The following LHX9 variants were observed in gnomAD, a reference collection of about 807,000 sequenced individuals.
LHX9 encodes LIM/homeobox protein Lhx9.
A neutral mutation model predicts 36.5 loss-of-function variants in LHX9; 9 were observed. The observed-to-expected ratio is 0.25, with a 90% CI of 0.15 to 0.43. The LOEUF (loss-of-function observed/expected upper bound fraction) is 0.43. LHX9 is among the 20% of genes least tolerant of loss of function. The probability of loss-of-function intolerance (pLI) is 1.00; values close to 1 mark genes in which losing one functional copy is unlikely to be tolerated. For synonymous variants in LHX9, 211 were observed against 212.1 expected, an observed-to-expected ratio of 0.99 and a Z score of 0.04; for missense variants, 464 against 526.4, an observed-to-expected ratio of 0.88 and a Z score of 1.16.
At position 197,932,102 on chromosome 1, in the gene LHX9, T is replaced by C; in HGVS notation, c.*2843T>C. ...AAAAAAAAAGAGAGAGAGAGAGACT[T>C]AAATGTCATTTACTGAATGTTAACG... On this transcript the variant is annotated 3_prime_UTR_variant, in exon 5 of 5. Transcript: ENST00000367387. 3.3e-6 allele frequency: 2 copies of C among 609,788 alleles called. No individual in the cohort carries two copies. The highest frequency in any genetic ancestry group is 5.8e-6 in the Non-Finnish European group (2 of 347,812). 37.8% of individuals were successfully genotyped at this position (609,788 alleles called of 1,614,324 possible). A position where few individuals can be genotyped will look rare whatever the true frequency, so the allele number is the denominator to read the frequency against.
Position 197,929,155 on chromosome 1 carries a change from G to A in LHX9, c.1090G>A (p.Asp364Asn). Residue 364 changes from aspartate (D) to asparagine (N), a missense_variant, in exon 5 of 5, where the codon GAC (aspartate) becomes AAC (asparagine). Asp to Asn is a conservative substitution (Grantham distance 23). Around this residue, in one of 5 missense-constraint regions of LHX9, gnomAD observed 102 missense variants for 97.0 expected, o/e 1.05. Transcript: ENST00000367387. The part of the protein sequence containing the change: ...TPPGTATTLT[D>N]LTNPTITVVT... ...ACCCGGCACTGCGACCACTTTAACA[G>A]ACCTGACCAATCCCACTATCACTGT... 1 of 1,612,970 alleles carries A rather than the reference G, an allele frequency of 6.2e-7. No individual in the cohort carries two copies. Among genetic ancestry groups the A allele is most frequent in the Non-Finnish European group, 8.5e-7 (1 of 1,179,712 alleles).
At position 197,918,927 on chromosome 1, in the gene LHX9, G is replaced by A. The variant is rs116398417; in HGVS notation, c.174+930G>A. On this transcript the variant is annotated intron_variant, in intron 1 of 4. Transcript: ENST00000367387. ...AGACTGCTCTAGCCCTTATCAGCTG[G>A]GTTTTGGGTCCGGCCAAGTAGCCCA... 5.8e-3 allele frequency among the ~76,000 whole-genome samples: 877 copies of A among 151,888 alleles called. 12 individuals carry two copies. The highest frequency in any genetic ancestry group is 0.019 in the African/African-American group (806 of 41,400).
At chr1:197,918,767 T>C (rs1431857328) in intron 1 of LHX9, 2 of 125,940 alleles carry the variant, frequency 1.6e-5, no homozygotes, top group Non-Finnish European at 3.2e-5. Context: ...TAATTACTTA[T>C]CTAAGCGCTT....
At chr1:197,912,759 C>A (rs1659654960), upstream of LHX9, 2 of 644,376 alleles carry the variant, frequency 3.1e-6, no homozygotes, top group East Asian at 5.3e-5. Flanking sequence ...ACTCCTGAAA[C>A]CCTCCTTTTG....
At chr1:197,918,512 C>T (rs1336510989) in intron 1 of LHX9, 17 of 629,456 alleles carry the variant, frequency 2.7e-5, no homozygotes, top group East Asian at 1.4e-4. Context: ...GGCTTGGGAC[C>T]CCTAACCGAG....
chr1:197,923,758 G>C (rs2102598345), intron 3 of LHX9, among the ~76,000 whole-genome samples: 1 of 152,252 alleles, frequency 6.6e-6, no homozygotes, highest in Admixed American at 6.5e-5. Flanking sequence ...AAAATAACTA[G>C]AGAGTACAAA....
Position 197,921,801 on chromosome 1 carries a change from A to T in LHX9, c.733+142A>T, listed in dbSNP as rs905440006. The stretch of plus-strand genomic sequence containing the variant: ...CTCACTGCAACTCCCTCTCACTCTG[A>T]AGGAAGGGAGAGAGGGAGGAGGAGG... On this transcript the variant is annotated intron_variant, in intron 3 of 4. Coordinates refer to ENST00000367387, the MANE Select transcript of LHX9 (RefSeq NM_020204.3). This position sits in a 1 kb window ranked among gnomAD's most constrained non-coding sequence, Gnocchi z 4.6. 30 of 714,676 alleles carry T rather than the reference A, an allele frequency of 4.2e-5. No homozygotes were observed. Among genetic ancestry groups the T allele is most frequent in the Middle Eastern group, 2.4e-4 (1 of 4,130 alleles). The allele number at this position is 714,676 out of a possible 1,614,324, so 44.3% of individuals were successfully genotyped here.
At chr1:197,916,965 C>T (rs187106183), upstream of LHX9, among the ~76,000 whole-genome samples, 1 of 152,282 alleles carries the variant, frequency 6.6e-6, no homozygotes, top group African/African-American at 2.4e-5. Context: ...TTCTCTGTGT[C>T]CTGAGCCAAG....
chr1:197,922,434 A>G (rs1020729986), intron 3 of LHX9, among the ~76,000 whole-genome samples: 1 of 152,114 alleles, frequency 6.6e-6, no homozygotes, highest in Non-Finnish European at 1.5e-5. Context: ...TCAAGAACAC[A>G]TTCTTCCTTG....
chr1:197,922,147 G>A (rs1425904005), intron 3 of LHX9, among the ~76,000 whole-genome samples: 1 of 152,180 alleles, frequency 6.6e-6, no homozygotes, highest in Non-Finnish European at 1.5e-5. Context: ...AACACAGTTG[G>A]CAAGAGTGTT....
In LHX9 at chr1:197,932,066, T is replaced by A; in HGVS notation, c.*2807T>A. 1.2e-6 allele frequency: 1 copy of A among 862,792 alleles called. No individual in the cohort carries two copies. Among genetic ancestry groups the A allele is most frequent in the Non-Finnish European group, 1.8e-6 (1 of 570,206 alleles). The allele number at this position is 862,792 out of a possible 1,614,324, so 53.4% of individuals were successfully genotyped here. On this transcript the variant is annotated 3_prime_UTR_variant, in exon 5 of 5. Transcript: ENST00000367387. ...GTTATGATAATCATACATTAAAAAA[T>A]TTATTAAGCCAAAAAAAAAGAGAGA... is the stretch of plus-strand genomic sequence containing the variant.
rs914879884 is a variant in LHX9, at chr1:197,917,378, C to T, written c.-446C>T. On this transcript the variant is annotated 5_prime_UTR_variant, in exon 1 of 5. Transcript: ENST00000367387. The stretch of plus-strand genomic sequence containing the variant: ...ACACAGCTCAGGCAGGAGCAGTCCC[C>T]AACCCAATCTACAGGCACTGGGAAC... The T allele has an allele frequency of 6.1e-6, 8 of 1,306,240 alleles. No homozygotes were observed. In the African/African-American group the frequency reaches 1.2e-4, roughly 20 times the overall value. 80.9% of individuals were successfully genotyped at this position (1,306,240 alleles called of 1,614,324 possible).
In LHX9 at chr1:197,929,721, T is replaced by C; in HGVS notation, c.*462T>C. ...CAATTGTATGTGTGATTATGGAGTT[T>C]TGAAAACGTTACATTTTTTAAATCT... On this transcript the variant is annotated 3_prime_UTR_variant, in exon 5 of 5. Transcript: ENST00000367387. The C allele has an allele frequency of 3.2e-6, 3 of 942,504 alleles. No homozygotes were observed. The highest frequency in any genetic ancestry group is 3.8e-6 in the Non-Finnish European group (3 of 790,652). 58.4% of individuals were successfully genotyped at this position (942,504 alleles called of 1,614,324 possible).
chr1:197,933,108 A>T lies in LHX9; in HGVS notation c.*3849A>T, dbSNP rs1660367933. 1 of 152,006 alleles carries T rather than the reference A, an allele frequency of 6.6e-6. No homozygotes were observed. The highest frequency in any genetic ancestry group is 2.1e-4 in the South Asian group (1 of 4,834). 9.4% of individuals were successfully genotyped at this position (152,006 alleles called of 1,614,324 possible). A position where few individuals can be genotyped will look rare whatever the true frequency, so the allele number is the denominator to read the frequency against. The stretch of plus-strand genomic sequence containing the variant: ...GTTAAAGGGAATATTTGAAGAATAA[A>T]ATTTTAGCTATTCCTATTTAGCCGT... On this transcript the variant is annotated 3_prime_UTR_variant, in exon 5 of 5. Coordinates refer to ENST00000367387, the MANE Select transcript of LHX9 (RefSeq NM_020204.3).
In LHX9 at chr1:197,932,797, A is replaced by T. The variant is rs1022620565; in HGVS notation, c.*3538A>T. ...TTTGTTGTATTCAATTGCCACATGT[A>T]TTAAAAATAAAAAACAAAGTGAACC... On this transcript the variant is annotated 3_prime_UTR_variant, in exon 5 of 5. Coordinates refer to ENST00000367387, the MANE Select transcript of LHX9 (RefSeq NM_020204.3). 3 of 152,058 alleles carry T rather than the reference A, an allele frequency of 2.0e-5. No individual in the cohort carries two copies. Among genetic ancestry groups the T allele is most frequent in the African/African-American group, 7.2e-5 (3 of 41,434 alleles). 9.4% of individuals were successfully genotyped at this position (152,058 alleles called of 1,614,324 possible). A position where few individuals can be genotyped will look rare whatever the true frequency, so the allele number is the denominator to read the frequency against.
chr1:197,914,515 G>C (rs1266356977), upstream of LHX9, among the ~76,000 whole-genome samples: 1 of 152,140 alleles, frequency 6.6e-6, no homozygotes, highest in South Asian at 2.1e-4. Flanking sequence ...AGTCCTTTGA[G>C]AATGAGGAGC....
rs1659810088 is a variant in LHX9 at position 197,917,629 on chromosome 1, C to T, written c.-195C>T. The stretch of plus-strand genomic sequence containing the variant: ...TCCTTCAGGGAGCCGCTGAGGCTTC[C>T]CCCCAACTCTTCCCAGTTCTTTTTG... On this transcript the variant is annotated 5_prime_UTR_variant, in exon 1 of 5. Transcript: ENST00000367387. 9.3e-6 allele frequency: 14 copies of T among 1,509,522 alleles called. No homozygotes were observed. The highest frequency in any genetic ancestry group is 7.7e-5 in the South Asian group (6 of 78,128). 93.5% of individuals were successfully genotyped at this position (1,509,522 alleles called of 1,614,324 possible).
Position 197,921,604 on chromosome 1 carries a change from G to A in LHX9, c.678G>A (p.Arg226=). Residue 226 remains arginine, a synonymous_variant, in exon 3 of 5, where the codon CGG becomes CGA. Transcript: ENST00000367387. This position sits in a 1 kb window ranked among gnomAD's most constrained non-coding sequence, Gnocchi z 4.6. ...GTACGGGCACCGTGCAGAAAGGGCG[G>A]CCCCGGAAGCGGAAGAGCCCAGCGC... ...FNGTGTVQKG[R]PRKRKSPALG... 1 of 1,606,404 alleles carries A rather than the reference G, an allele frequency of 6.2e-7. No homozygotes were observed. The highest frequency in any genetic ancestry group is 8.5e-7 in the Non-Finnish European group (1 of 1,178,276).
chr1:197,928,912 AAG>A, intron 4 of LHX9, 88 bp from the exon 5 acceptor site: 3 of 1,369,038 alleles, frequency 2.2e-6, no homozygotes, highest in East Asian at 2.6e-5. Flanking sequence ...AAAAGAAAGA[AAG>A]AAAAAGAAAA....
Sources: allele counts gnomAD v4.1 joint callset (sites outside exome capture counted in the v4.1 genomes callset), GRCh38; gene constraint gnomAD v4.1.1; regional missense constraint gnomAD v4.1.1; non-coding constraint Gnocchi (gnomAD v3.1); transcripts MANE v1.5; gene names NCBI Gene and HGNC (gene_info 2026-07-23, HGNC 2026-07-21).